MEGF11: variants seen among roughly 807,000 people sequenced by gnomAD.
MEGF11 encodes the protein multiple epidermal growth factor-like domains protein 11.
A neutral mutation model predicts 146.6 loss-of-function variants in MEGF11; 126 were observed. The ratio of observed to expected loss-of-function variants is 0.86; its 90% CI spans 0.74 to 1.00. The LOEUF is 1.00. Ranked by LOEUF, MEGF11 falls within the 50% of genes least tolerant of loss-of-function variation. The pLI is 0.00. For synonymous variants in MEGF11, 532 were observed against 583.4 expected, an observed-to-expected ratio of 0.91 and a Z score of 1.27; for missense variants, 1,509 against 1,521.2, an observed-to-expected ratio of 0.99 and a Z score of 0.13.
At chr15:66,192,246 T>C (rs1311319739) in intron 1 of MEGF11, among the ~76,000 whole-genome samples, 2 of 151,574 alleles carry the variant, frequency 1.3e-5, no homozygotes, top group Non-Finnish European at 2.9e-5. Context: ...GGCGGGGAGA[T>C]CACTTGAGGC....
chr15:66,049,101 G>A (rs1597029161), intron 5 of MEGF11, among the ~76,000 whole-genome samples: 2 of 152,214 alleles, frequency 1.3e-5, no homozygotes, highest in Admixed American at 6.5e-5. Context: ...CCTCAGCCCC[G>A]CAAAGTCACA....
chr15:66,033,936 G>A (rs889216418), intron 5 of MEGF11, among the ~76,000 whole-genome samples: 4 of 151,930 alleles, frequency 2.6e-5, no homozygotes, highest in African/African-American at 4.8e-5. Context: ...GATTACAGGC[G>A]CCCACCACCA....
intron 10 of MEGF11, among the ~76,000 whole-genome samples, chr15:65,951,983 T>C (rs1049476620): frequency 3.3e-5 from 5 of 152,112 alleles, no homozygotes; most frequent in Non-Finnish European, 7.4e-5. Flanking sequence ...GCCTGGGCAA[T>C]AGAACGAGGC....
intron 22 of MEGF11, among the ~76,000 whole-genome samples, chr15:65,909,370 G>A (rs960331494): frequency 3.3e-5 from 5 of 151,938 alleles, no homozygotes; most frequent in Admixed American, 3.3e-4. Context: ...CCCTCTGCAG[G>A]AATTAGTGCT....
intron 4 of MEGF11, among the ~76,000 whole-genome samples, chr15:66,108,114 G>A (rs1444727475): frequency 6.6e-6 from 1 of 152,234 alleles, no homozygotes; most frequent in Non-Finnish European, 1.5e-5. Flanking sequence ...ATGAGAGAAT[G>A]TGGAGAACTC....
At chr15:66,074,130 A>G (rs1477845108) in intron 5 of MEGF11, among the ~76,000 whole-genome samples, 1 of 152,178 alleles carries the variant, frequency 6.6e-6, no homozygotes, top group Admixed American at 6.5e-5. Flanking sequence ...CTCCTTCCCC[A>G]GGGGTAACCT....
chr15:65,960,224 G>GT (rs757060331), intron 9 of MEGF11, among the ~76,000 whole-genome samples: 1 of 152,196 alleles, frequency 6.6e-6, no homozygotes, highest in South Asian at 2.1e-4. Context: ...GTGATGCTAA[G>GT]TTTTTTCTTT....
chr15:66,063,300 T>A lies in MEGF11; in HGVS notation c.394+31102A>T, dbSNP rs572514369. On this transcript the variant is annotated intron_variant, in intron 5 of 25. Coordinates refer to ENST00000395614, the MANE Select transcript of MEGF11 (RefSeq NM_001385028.1). ...ATGTGATCTGACTCATGTTTTAGAG[T>A]TCACACTGGTTGCTGGGTAGAGAAT... 2.0e-5 allele frequency among the ~76,000 whole-genome samples: 3 copies of A among 152,218 alleles called. No homozygotes were observed. In the South Asian group the frequency reaches 6.2e-4, roughly 32 times the overall value.
intron 4 of MEGF11, among the ~76,000 whole-genome samples, chr15:66,111,172 G>A (rs1442253676): frequency 1.3e-5 from 2 of 152,174 alleles, no homozygotes; most frequent in African/African-American, 2.4e-5. Flanking sequence ...CACTTCTCCA[G>A]TCTACTGAGC....
chr15:65,901,266 G>A (rs2078488117), intron 24 of MEGF11, among the ~76,000 whole-genome samples: 1 of 152,212 alleles, frequency 6.6e-6, no homozygotes, highest in East Asian at 1.9e-4. Flanking sequence ...CAGAGCTTCT[G>A]GTTTGGAAGC....
At chr15:66,192,557 T>C (rs1268596707) in intron 1 of MEGF11, among the ~76,000 whole-genome samples, 1 of 150,914 alleles carries the variant, frequency 6.6e-6, no homozygotes, top group African/African-American at 2.4e-5. Flanking sequence ...GCCTAGGATA[T>C]AGGTTTTATA....
intron 5 of MEGF11, among the ~76,000 whole-genome samples, chr15:66,071,072 G>A (rs1247984737): frequency 6.6e-6 from 1 of 152,030 alleles, no homozygotes; most frequent in Non-Finnish European, 1.5e-5. Context: ...TTCCACGCCT[G>A]TTCTGTGCCA....
intron 15 of MEGF11, among the ~76,000 whole-genome samples, chr15:65,920,597 G>T (rs1207386453): frequency 6.6e-6 from 1 of 152,138 alleles, no homozygotes; most frequent in East Asian, 1.9e-4. Flanking sequence ...TCCATTAATT[G>T]GTCGACTTCT....
intron 24 of MEGF11, among the ~76,000 whole-genome samples, chr15:65,904,060 C>T (rs77599148): frequency 0.068 from 10,375 of 152,274 alleles, 371 homozygotes; most frequent in Middle Eastern, 0.099. Flanking sequence ...GGCAGAGACA[C>T]TGCTTTCCTG....
chr15:66,224,583 C>CAAAAAAAAAAAAAAAAAAAAAAAA (rs2091807854), intron 1 of MEGF11, among the ~76,000 whole-genome samples: 1 of 145,418 alleles, frequency 6.9e-6, no homozygotes. Context: ...GACTCTGTCT[C>CAAAAAAAAAAAAAAAAAAAAAAAA]AAAAATATAT....
intron 5 of MEGF11, among the ~76,000 whole-genome samples, chr15:66,080,901 C>T (rs548121907): frequency 2.6e-5 from 4 of 152,304 alleles, no homozygotes; most frequent in East Asian, 3.9e-4. Context: ...CGAAGGGCCG[C>T]GGGCTTGGCA....
chr15:65,901,057 G>A (rs996927214), intron 24 of MEGF11, among the ~76,000 whole-genome samples: 44 of 152,216 alleles, frequency 2.9e-4, no homozygotes, highest in African/African-American at 1.0e-3. Context: ...GAGACCCCAT[G>A]TGCACAGGTG....
chr15:65,944,114 G>A (rs2080104835), intron 10 of MEGF11, among the ~76,000 whole-genome samples: 1 of 152,228 alleles, frequency 6.6e-6, no homozygotes, highest in Non-Finnish European at 1.5e-5. Flanking sequence ...GACACTCTGT[G>A]CAGGGGACTG....
chr15:65,955,259 G>A (rs1309499606), intron 10 of MEGF11, among the ~76,000 whole-genome samples: 1 of 152,086 alleles, frequency 6.6e-6, no homozygotes, highest in Non-Finnish European at 1.5e-5. Flanking sequence ...CCATTTTACT[G>A]TGGAAATTAC....
Sources: gnomAD v4.1 joint callset for allele counts (sites outside exome capture counted in the v4.1 genomes callset) on GRCh38, gnomAD v4.1.1 for gene constraint, MANE v1.5 for transcripts, NCBI Gene and HGNC (gene_info 2026-07-23, HGNC 2026-07-21) for gene names.